Variants in UVRAG observed in about 807,000 individuals in gnomAD.
UVRAG encodes the protein UV radiation resistance-associated gene protein.
UVRAG carries 19 observed loss-of-function variants against 78.0 expected under a neutral mutation model. The ratio of observed to expected loss-of-function variants is 0.24; its 90% CI spans 0.17 to 0.36. The LOEUF (loss-of-function observed/expected upper bound fraction) is 0.36, where lower values mean the gene tolerates loss of function less well. UVRAG is among the 10% of genes least tolerant of loss of function. The pLI is 1.00. For synonymous variants in UVRAG, 323 were observed against 324.6 expected (o/e 1.00, Z 0.05); for missense variants, 740 against 853.8 (o/e 0.87, Z 1.66).
chr11:76,056,654 T>C (rs931497816), intron 12 of UVRAG, among the ~76,000 whole-genome samples: 1 of 152,254 alleles, frequency 6.6e-6, no homozygotes, highest in Admixed American at 6.5e-5. Flanking sequence ...CTTTCCCCTG[T>C]GTTACCTATA....
At chr11:76,043,214 A>G (rs982142281) in intron 12 of UVRAG, among the ~76,000 whole-genome samples, 1 of 152,210 alleles carries the variant, frequency 6.6e-6, no homozygotes, top group African/African-American at 2.4e-5. Context: ...GGGTAGTATT[A>G]TTTAAACTGT....
chr11:75,979,609 T>A (rs1949344658), intron 7 of UVRAG: 2 of 156,002 alleles, frequency 1.3e-5, no homozygotes, highest in African/African-American at 4.8e-5. Flanking sequence ...GCTGCCGCCT[T>A]GCAGTTTGAT....
chr11:75,872,937 G>T (rs1946685476), intron 3 of UVRAG, among the ~76,000 whole-genome samples: 1 of 152,162 alleles, frequency 6.6e-6, no homozygotes, highest in Non-Finnish European at 1.5e-5. Context: ...TATTGTAGAG[G>T]ATAAATACGC....
At chr11:75,863,063 C>CA (rs1199430659) in intron 3 of UVRAG, among the ~76,000 whole-genome samples, 5 of 152,266 alleles carry the variant, frequency 3.3e-5, no homozygotes, top group African/African-American at 1.2e-4. Context: ...ACTGCAGGAC[C>CA]AGAACCCCAA....
At chr11:76,027,513 G>A (rs1005309091) in intron 12 of UVRAG, among the ~76,000 whole-genome samples, 1 of 151,866 alleles carries the variant, frequency 6.6e-6, no homozygotes, top group Non-Finnish European at 1.5e-5. Context: ...TTGGACTTTG[G>A]GGTCATGTTG....
At chr11:75,902,036 G>T (rs1469455712) in intron 5 of UVRAG, among the ~76,000 whole-genome samples, 1 of 152,184 alleles carries the variant, frequency 6.6e-6, no homozygotes, top group Non-Finnish European at 1.5e-5. Context: ...CTGTGTGAGG[G>T]CAAGGACAGT....
chr11:75,981,711 A>T (rs1451510164), intron 7 of UVRAG, among the ~76,000 whole-genome samples: 1 of 151,268 alleles, frequency 6.6e-6, no homozygotes, highest in Non-Finnish European at 1.5e-5. Flanking sequence ...GTATAGTTAC[A>T]CAGGTCCCTG....
chr11:76,006,852 T>C (rs1456414689), intron 9 of UVRAG, among the ~76,000 whole-genome samples: 1 of 152,120 alleles, frequency 6.6e-6, no homozygotes, highest in Non-Finnish European at 1.5e-5. Flanking sequence ...TGAAATCAAA[T>C]TGGCCTCATT....
At chr11:76,098,196 T>G (rs889658069) in intron 13 of UVRAG, among the ~76,000 whole-genome samples, 1 of 152,130 alleles carries the variant, frequency 6.6e-6, no homozygotes, top group Non-Finnish European at 1.5e-5. Flanking sequence ...AAAAATAAGG[T>G]ATAGCATTAA....
At chr11:75,843,133 T>G (rs1945952751) in intron 1 of UVRAG, among the ~76,000 whole-genome samples, 1 of 152,106 alleles carries the variant, frequency 6.6e-6, no homozygotes, top group African/African-American at 2.4e-5. Context: ...GCCAGAGAAT[T>G]TTAGATGCAT....
At chr11:76,043,734 T>A (rs1950694764) in intron 12 of UVRAG, among the ~76,000 whole-genome samples, 1 of 152,250 alleles carries the variant, frequency 6.6e-6, no homozygotes, top group Non-Finnish European at 1.5e-5. Context: ...TATTATTTCT[T>A]GAGATAGTAA....
chr11:75,984,752 A>C (rs1479603025), intron 8 of UVRAG, among the ~76,000 whole-genome samples: 1 of 152,184 alleles, frequency 6.6e-6, no homozygotes, highest in African/African-American at 2.4e-5. Flanking sequence ...ATATATGTAC[A>C]TGTGGTGGCT....
At chr11:75,919,042 G>A (rs1243906916) in intron 6 of UVRAG, among the ~76,000 whole-genome samples, 4 of 152,050 alleles carry the variant, frequency 2.6e-5, no homozygotes, top group African/African-American at 7.2e-5. Context: ...TCCCCTCCCC[G>A]CACTTTGCTA....
At chr11:75,998,263 A>G (rs545688356) in intron 8 of UVRAG, among the ~76,000 whole-genome samples, 25 of 152,218 alleles carry the variant, frequency 1.6e-4, no homozygotes, top group Non-Finnish European at 2.8e-4. Flanking sequence ...AACCTATGCC[A>G]GTTGTCTATA....
At chr11:75,990,678 C>T (rs1386336388) in intron 8 of UVRAG, among the ~76,000 whole-genome samples, 3 of 152,150 alleles carry the variant, frequency 2.0e-5, no homozygotes, top group African/African-American at 7.2e-5. Context: ...TTGTTTTCAC[C>T]AGGAAACCAT....
intron 6 of UVRAG, among the ~76,000 whole-genome samples, chr11:75,946,883 G>A (rs1948598247): frequency 6.6e-6 from 1 of 152,150 alleles, no homozygotes; most frequent in Non-Finnish European, 1.5e-5. Flanking sequence ...ACCAGTCTGG[G>A]TGGTTTTAAC....
intron 6 of UVRAG, among the ~76,000 whole-genome samples, chr11:75,920,261 G>A (rs978648847): frequency 1.3e-5 from 2 of 151,588 alleles, no homozygotes; most frequent in South Asian, 2.1e-4. Context: ...TCCTGACCTC[G>A]TGATCCACCT....
intron 7 of UVRAG, among the ~76,000 whole-genome samples, chr11:75,976,692 C>T (rs563858306): frequency 0.011 from 1,647 of 152,088 alleles, 34 homozygotes; most frequent in African/African-American, 0.037. Context: ...TAGTTTGTAT[C>T]TCTGTGGGAT....
chr11:76,124,687 T>A (rs1259311717), intron 14 of UVRAG, among the ~76,000 whole-genome samples: 1 of 152,262 alleles, frequency 6.6e-6, no homozygotes, highest in Non-Finnish European at 1.5e-5. Flanking sequence ...AAGTAACTAG[T>A]GGCTTTATGT....
Sources: gnomAD v4.1 joint callset for allele counts (sites outside exome capture counted in the v4.1 genomes callset) on GRCh38, gnomAD v4.1.1 for gene constraint, MANE v1.5 for transcripts, NCBI Gene and HGNC (gene_info 2026-07-23, HGNC 2026-07-21) for gene names.